The following COL4A2 variants were observed in gnomAD, a reference collection of about 807,000 sequenced individuals.
COL4A2 encodes the protein collagen type IV alpha 2 chain, also known as collagen alpha-2(IV) chain.
Under a neutral mutation model 200.2 loss-of-function variants are expected in COL4A2, and 99 were observed. The observed-to-expected ratio is 0.49, with a 90% confidence interval of 0.42 to 0.58. The LOEUF is 0.58. Ranked by LOEUF, COL4A2 falls within the 20% of genes least tolerant of loss-of-function variation. The probability of loss-of-function intolerance (pLI) is 0.00; values close to 1 mark genes in which losing one functional copy is unlikely to be tolerated. For missense variants in COL4A2, 1,950 were observed against 2,314.1 expected (o/e 0.84, Z 3.23); for synonymous variants, 897 against 900.6 (o/e 1.00, Z 0.07).
In COL4A2 at chr13:110,403,450, T is replaced by C. The variant is rs116889875; in HGVS notation, c.181-21284T>C. ...ATGAGCATGATTCAGCCAAATTCTT[T>C]GCTGCTTTGTGACAAGGATGGCCTT... is the stretch of plus-strand genomic sequence containing the variant. On this transcript the variant is annotated intron_variant, in intron 4 of 47. Coordinates refer to ENST00000360467, the MANE Select transcript of COL4A2 (RefSeq NM_001846.4). Among the ~76,000 whole-genome samples the C allele has an allele frequency of 7.3e-3, 1,112 of 152,338 alleles. 10 individuals are homozygous for C. Among genetic ancestry groups the C allele is most frequent in the Non-Finnish European group, 0.013 (865 of 68,038 alleles).
intron 6 of COL4A2, 110 bp downstream of exon 6, chr13:110,425,107 T>C: frequency 7.9e-7 from 1 of 1,264,832 alleles, no homozygotes; most frequent in South Asian, 1.3e-5. Context: ...GTTTATGACA[T>C]AAAACACGTG....
chr13:110,456,825 C>T (rs1030648970), intron 20 of COL4A2: 17 of 471,980 alleles, frequency 3.6e-5, no homozygotes, highest in East Asian at 6.7e-5. Context: ...CCTGCGTCTG[C>T]GTGGAACCCC....
At chr13:110,309,231 C>A (rs1279694317) in intron 3 of COL4A2, among the ~76,000 whole-genome samples, 1 of 152,218 alleles carries the variant, frequency 6.6e-6, no homozygotes, top group Non-Finnish European at 1.5e-5. Flanking sequence ...CTTTACTTTT[C>A]CGCTGCTGTT....
chr13:110,418,130 A>G (rs1291503469), intron 4 of COL4A2, among the ~76,000 whole-genome samples: 4 of 152,082 alleles, frequency 2.6e-5, no homozygotes, highest in Non-Finnish European at 5.9e-5. Context: ...CTTTTCCCTA[A>G]TGACCACTGA....
At chr13:110,351,032 G>GTTTC (rs1345427088) in intron 3 of COL4A2, among the ~76,000 whole-genome samples, 3 of 151,928 alleles carry the variant, frequency 2.0e-5, no homozygotes, top group Non-Finnish European at 2.9e-5. Context: ...TCTCTCTCTT[G>GTTTC]TTTCTTTCTT....
chr13:110,310,343 G>T (rs146116712), intron 3 of COL4A2, among the ~76,000 whole-genome samples: 209 of 152,284 alleles, frequency 1.4e-3, no homozygotes, highest in African/African-American at 4.9e-3. Context: ...GTGGAGTCCG[G>T]GACTCCGCCT....
At chr13:110,355,901 T>C (rs187330711) in intron 3 of COL4A2, among the ~76,000 whole-genome samples, 1 of 151,604 alleles carries the variant, frequency 6.6e-6, no homozygotes, top group African/African-American at 2.4e-5. Flanking sequence ...AGGTCACCTG[T>C]ATAGGGCGGA....
At position 110,467,091 on chromosome 13, in the gene COL4A2, C is replaced by T; in HGVS notation, c.2090C>T (p.Pro697Leu). 1.2e-6 allele frequency: 2 copies of T among 1,614,062 alleles called. No homozygotes were observed. Among genetic ancestry groups the T allele is most frequent in the Middle Eastern group, 1.6e-4 (1 of 6,062 alleles). The change falls in exon 27 of 48, where the codon CCC (proline) becomes CTC (leucine). Residue 697 changes from proline (P) to leucine (L), a missense_variant. Pro to Leu is a moderately conservative substitution (Grantham distance 98). Around this residue, in one of 2 missense-constraint regions of COL4A2, gnomAD observed 1,385 missense variants for 1,720.5 expected, o/e 0.80. Coordinates refer to ENST00000360467, the MANE Select transcript of COL4A2 (RefSeq NM_001846.4). ...GLPGLPGPPG[P>L]TGAKGLRGIP... ...CCAGGCCTGCCAGGACCCCCAGGCC[C>T]CACAGGTAATGCACGGAGGGAACCT...
At chr13:110,330,654 G>A (rs374131991) in intron 3 of COL4A2, among the ~76,000 whole-genome samples, 2 of 152,072 alleles carry the variant, frequency 1.3e-5, no homozygotes, top group Admixed American at 1.3e-4. Flanking sequence ...ACGCTTCTCC[G>A]ATCCGCAGGG....
At chr13:110,341,656 C>T (rs550664115) in intron 3 of COL4A2, among the ~76,000 whole-genome samples, 32 of 152,322 alleles carry the variant, frequency 2.1e-4, no homozygotes, top group African/African-American at 7.2e-4. Flanking sequence ...AAGGGGATAC[C>T]GGCTTTAAAG....
chr13:110,307,992 AC>A lies in COL4A2; in HGVS notation c.44+48del, dbSNP rs34894562. On this transcript the variant is annotated intron_variant, in intron 2 of 47. Coordinates refer to ENST00000360467, the MANE Select transcript of COL4A2 (RefSeq NM_001846.4). This position sits in a 1 kb window ranked among gnomAD's most constrained non-coding sequence, Gnocchi z 5.0. ...GTCCCCGTGGGTCACGCGCGCATGGACCCTTCGGTGTAACTCTCGGGGACTG... is the reference window on the plus strand; with the variant it reads ...GTCCCCGTGGGTCACGCGCGCATGGACCTTCGGTGTAACTCTCGGGGACTG... 6.0e-5 allele frequency: 97 copies of A among 1,610,882 alleles called. No individual in the cohort carries two copies. Among genetic ancestry groups the A allele is most frequent in the Non-Finnish European group, 7.7e-5 (91 of 1,178,768 alleles).
chr13:110,335,514 C>A (rs564833373), intron 3 of COL4A2, among the ~76,000 whole-genome samples: 1 of 152,140 alleles, frequency 6.6e-6, no homozygotes, highest in Admixed American at 6.5e-5. Context: ...GATTGTGAGG[C>A]CTCCCCAGCC....
At chr13:110,477,066 A>G (rs1217734894) in intron 29 of COL4A2, among the ~76,000 whole-genome samples, 1 of 152,202 alleles carries the variant, frequency 6.6e-6, no homozygotes. Context: ...AGGAGCAAAG[A>G]GGCCGGGCAC....
chr13:110,476,364 T>C (rs1882703173), intron 29 of COL4A2, among the ~76,000 whole-genome samples: 1 of 152,202 alleles, frequency 6.6e-6, no homozygotes, highest in Non-Finnish European at 1.5e-5. Context: ...CTCACAGTAC[T>C]ACAGGAGGAG....
intron 3 of COL4A2, among the ~76,000 whole-genome samples, chr13:110,336,694 A>G (rs1876207373): frequency 1.3e-5 from 2 of 152,184 alleles, no homozygotes; most frequent in African/African-American, 4.8e-5. Context: ...GTGGCATCTC[A>G]TCTGCAAGCA....
At position 110,460,834 on chromosome 13, in the gene COL4A2, G is replaced by C. The variant is rs7139931; in HGVS notation, c.1597-1280G>C. Among the ~76,000 whole-genome samples, 1,087 of 152,026 alleles carry C rather than the reference G, an allele frequency of 7.2e-3. 9 individuals are homozygous for C. Among genetic ancestry groups the C allele is most frequent in the African/African-American group, 0.024 (983 of 41,480 alleles). ...CCATCCCTCCATCCATATACCCAAC[G>C]TGTATTGATCGATTGGGTCTGGTCT... On this transcript the variant is annotated intron_variant, in intron 22 of 47. Transcript: ENST00000360467.
intron 24 of COL4A2, 85 bp from the exon 25 acceptor site, chr13:110,465,320 C>T (rs1326273741): frequency 6.1e-6 from 9 of 1,480,928 alleles, no homozygotes; most frequent in Admixed American, 4.5e-5. Flanking sequence ...CTCAGAATTC[C>T]GGGAAATGGG....
intron 4 of COL4A2, among the ~76,000 whole-genome samples, chr13:110,422,126 C>G (rs1015155496): frequency 1.3e-5 from 2 of 152,130 alleles, no homozygotes; most frequent in African/African-American, 4.8e-5. Flanking sequence ...TTTTATCCCC[C>G]AGAAGACAGC....
chr13:110,438,474 C>A, intron 14 of COL4A2, 144 bp from the exon 15 acceptor site: 1 of 1,107,992 alleles, frequency 9.0e-7, no homozygotes, highest in Non-Finnish European at 1.4e-6. Flanking sequence ...CCCTGCACTG[C>A]GCCTGAGTTG....
Sources: allele counts gnomAD v4.1 joint callset (sites outside exome capture counted in the v4.1 genomes callset), GRCh38; gene constraint gnomAD v4.1.1; regional missense constraint gnomAD v4.1.1; non-coding constraint Gnocchi (gnomAD v3.1); transcripts MANE v1.5; gene names NCBI Gene and HGNC (gene_info 2026-07-23, HGNC 2026-07-21).